The following PCDHGA9 variants were observed in gnomAD, a reference collection of about 807,000 sequenced individuals.
PCDHGA9 encodes the protein protocadherin gamma subfamily A, 9.
A neutral mutation model predicts 62.5 loss-of-function variants in PCDHGA9; 37 were observed. The observed-to-expected ratio is 0.59, with a 90% CI of 0.46 to 0.78. The LOEUF (loss-of-function observed/expected upper bound fraction) is 0.78. Ranked by LOEUF, PCDHGA9 falls within the 30% of genes least tolerant of loss-of-function variation. The probability of loss-of-function intolerance (pLI) is 0.00; values close to 1 mark genes in which losing one functional copy is unlikely to be tolerated. For missense variants in PCDHGA9, 1,138 were observed against 1,166.2 expected, an observed-to-expected ratio of 0.98 and a Z score of 0.35; for synonymous variants, 459 against 484.6, an observed-to-expected ratio of 0.95 and a Z score of 0.69.
At position 141,486,637 on chromosome 5, in the gene PCDHGA9, G is replaced by C. The variant is rs761072169; in HGVS notation, c.2425-8170G>C. 28 of 1,613,638 alleles carry C rather than the reference G, an allele frequency of 1.7e-5. No homozygotes were observed. The highest frequency in any genetic ancestry group is 1.1e-5 in the Non-Finnish European group (13 of 1,180,034). ...CTGACCCAGACTCTGGCTTGAATGC[G>C]CTTATCTCCTACTCACTCCTGGAGC... On this transcript the variant is annotated intron_variant, in intron 1 of 3. Transcript: ENST00000573521. This position sits in a 1 kb window ranked among gnomAD's most constrained non-coding sequence, Gnocchi z 5.0.
chr5:141,446,222 G>C (rs74509878), intron 1 of PCDHGA9, among the ~76,000 whole-genome samples: 7,034 of 152,204 alleles, frequency 0.046, 244 homozygotes, highest in African/African-American at 0.093. Flanking sequence ...ATATTGTTGT[G>C]TTGCCTGGCA....
At chr5:141,419,172 T>A in intron 1 of PCDHGA9, 1 of 1,613,914 alleles carries the variant, frequency 6.2e-7, no homozygotes, top group Non-Finnish European at 8.5e-7. Context: ...AGCAAAACCA[T>A]AACCCTGCAC....
intron 1 of PCDHGA9, among the ~76,000 whole-genome samples, chr5:141,465,094 G>GTT (rs138941665): frequency 3.4e-5 from 5 of 148,194 alleles, no homozygotes; most frequent in Non-Finnish European, 6.0e-5. Flanking sequence ...TTTTCTAGTA[G>GTT]TTTTTTTTTT....
rs2099388776 is a variant in PCDHGA9, at chr5:141,476,308, C to T, written c.2425-18499C>T. On this transcript the variant is annotated intron_variant, in intron 1 of 3. Coordinates refer to ENST00000573521, the MANE Select transcript of PCDHGA9 (RefSeq NM_018921.3). The surrounding 1 kb of genome is among the most constrained non-coding windows in gnomAD (Gnocchi z 7.6). ...TGGATCTCGGTAGCCTCTCAGCCCG[C>T]AGGTTCCGGGTGGTGTCTGGAGCTA... The T allele has an allele frequency of 1.2e-6, 2 of 1,613,750 alleles. No individual in the cohort carries two copies. The highest frequency in any genetic ancestry group is 2.7e-5 in the African/African-American group (2 of 74,806).
At chr5:141,426,116 G>A (rs1324245739) in intron 1 of PCDHGA9, among the ~76,000 whole-genome samples, 3 of 152,232 alleles carry the variant, frequency 2.0e-5, no homozygotes, top group African/African-American at 7.2e-5. Context: ...AAGCAAGTCG[G>A]AGAGTGGCCA....
chr5:141,405,994 C>T (rs2094743060), intron 1 of PCDHGA9, among the ~76,000 whole-genome samples: 1 of 151,930 alleles, frequency 6.6e-6, no homozygotes, highest in African/African-American at 2.4e-5. Context: ...GGGTAGCTCT[C>T]AGCCTGCATT....
chr5:141,413,365 G>A (rs1046513869), intron 1 of PCDHGA9: 14 of 1,614,000 alleles, frequency 8.7e-6, no homozygotes, highest in Non-Finnish European at 1.2e-5. Flanking sequence ...CCGGGAGCTG[G>A]CGGAGCGCGG....
intron 1 of PCDHGA9, among the ~76,000 whole-genome samples, chr5:141,433,690 A>G (rs951380027): frequency 2.0e-5 from 3 of 152,088 alleles, no homozygotes; most frequent in African/African-American, 7.2e-5. Flanking sequence ...ATACAAAATT[A>G]GCCGGGCGTG....
chr5:141,494,790 C>A lies in PCDHGA9; in HGVS notation c.2425-17C>A, dbSNP rs909145. 17 of 1,614,014 alleles carry A rather than the reference C, an allele frequency of 1.1e-5. 1 individual carries two copies. The South Asian group carries it at 1.9e-4, about 18-fold the overall frequency. ...TCTCACGGGTACTCAGCCCCTTTCC[C>A]TCTGTTTTCTCCACAGCAAGCCCCG... On this transcript the variant is annotated splice_polypyrimidine_tract_variant and intron_variant, in intron 1 of 3. Transcript: ENST00000573521.
intron 1 of PCDHGA9, chr5:141,419,828 AC>A (rs1189387492): frequency 6.2e-7 from 1 of 1,614,022 alleles, no homozygotes; most frequent in Non-Finnish European, 8.5e-7. Flanking sequence ...CCTTTCAGCC[AC>A]TGCCACGCTG....
In PCDHGA9 at chr5:141,431,616, A is replaced by G. The variant is rs776151297; in HGVS notation, c.2424+26240A>G. 1 of 1,614,250 alleles carries G rather than the reference A, an allele frequency of 6.2e-7. No individual in the cohort carries two copies. Among genetic ancestry groups the G allele is most frequent in the Non-Finnish European group, 8.5e-7 (1 of 1,180,042 alleles). ...AGGTATTCCTTCCGGTATGTGGACG[A>G]CAAGGCGGCCCAAGTTTTCAAACTA... On this transcript the variant is annotated intron_variant, in intron 1 of 3. Transcript: ENST00000573521. This position sits in a 1 kb window ranked among gnomAD's most constrained non-coding sequence, Gnocchi z 4.8.
rs182936964 is a variant in PCDHGA9, at chr5:141,502,069, T to C, written c.2484-3324T>C. 1.1e-3 allele frequency among the ~76,000 whole-genome samples: 175 copies of C among 152,186 alleles called. 1 individual carries two copies. Among genetic ancestry groups the C allele is most frequent in the African/African-American group, 3.9e-3 (162 of 41,524 alleles). ...CCCTACTTTATTCCCATTAGCCCCC[T>C]TCACCTGGGGCTGAGAACACCTGGC... On this transcript the variant is annotated intron_variant, in intron 2 of 3. Coordinates refer to ENST00000573521, the MANE Select transcript of PCDHGA9 (RefSeq NM_018921.3).
chr5:141,409,415 G>C, intron 1 of PCDHGA9: 1 of 1,614,008 alleles, frequency 6.2e-7, no homozygotes. Context: ...CTACAAACTG[G>C]TGACAGATGG....
At chr5:141,452,792 A>AT (rs745523252) in intron 1 of PCDHGA9, among the ~76,000 whole-genome samples, 15 of 152,178 alleles carry the variant, frequency 9.9e-5, no homozygotes, top group Admixed American at 2.0e-4. Context: ...ACATACCATC[A>AT]TTTTTGCTGT....
In PCDHGA9 at chr5:141,476,948, G is replaced by T; in HGVS notation, c.2425-17859G>T. 6.2e-7 allele frequency: 1 copy of T among 1,614,180 alleles called. No individual in the cohort carries two copies. On this transcript the variant is annotated intron_variant, in intron 1 of 3. Transcript: ENST00000573521. The surrounding 1 kb of genome is among the most constrained non-coding windows in gnomAD (Gnocchi z 7.6). ...GGATCTGGATGAAGGCCCCAACGGTGAAATTATTTACTCCTTCGGCAGCCA... is the reference window on the plus strand; with the variant it reads ...GGATCTGGATGAAGGCCCCAACGGTTAAATTATTTACTCCTTCGGCAGCCA...
At chr5:141,481,327 T>C (rs2099535776) in intron 1 of PCDHGA9, among the ~76,000 whole-genome samples, 1 of 152,244 alleles carries the variant, frequency 6.6e-6, no homozygotes, top group Non-Finnish European at 1.5e-5. Context: ...CACTAGCCCC[T>C]GGACAACTAT....
chr5:141,444,561 GA>G (rs778707459), intron 1 of PCDHGA9, among the ~76,000 whole-genome samples: 17 of 152,098 alleles, frequency 1.1e-4, no homozygotes, highest in Non-Finnish European at 2.1e-4. Context: ...GCACTTATTT[GA>G]CACTTTTGAC....
At chr5:141,427,444 G>T (rs1184893966) in intron 1 of PCDHGA9, 1 of 482,228 alleles carries the variant, frequency 2.1e-6, no homozygotes, top group South Asian at 1.5e-5. Flanking sequence ...ATAAACGAAA[G>T]AGTTCCTTTT....
chr5:141,512,068 C>T lies in PCDHGA9; in HGVS notation c.*895C>T, dbSNP rs1215311369. 6.6e-6 allele frequency: 1 copy of T among 152,664 alleles called. No individual in the cohort carries two copies. The highest frequency in any genetic ancestry group is 1.5e-5 in the Non-Finnish European group (1 of 68,066). The allele number at this position is 152,664 out of a possible 1,614,324, so 9.5% of individuals were successfully genotyped here. On this transcript the variant is annotated 3_prime_UTR_variant, in exon 4 of 4. Transcript: ENST00000573521. The stretch of plus-strand genomic sequence containing the variant: ...TCCTCAGGGGACTGACAACATCCTC[C>T]AGATTCCAGCCATAAACCAATAACT...
Sources: allele counts gnomAD v4.1 joint callset (sites outside exome capture counted in the v4.1 genomes callset), GRCh38; gene constraint gnomAD v4.1.1; non-coding constraint Gnocchi (gnomAD v3.1); transcripts MANE v1.5; gene names NCBI Gene and HGNC (gene_info 2026-07-23, HGNC 2026-07-21).